The following CNTLN variants were observed in gnomAD, a reference collection of about 807,000 sequenced individuals.
CNTLN encodes the protein centlein.
A neutral mutation model predicts 180.0 loss-of-function variants in CNTLN; 212 were observed. The observed-to-expected ratio is 1.18, with a 90% CI of 1.05 to 1.32. The LOEUF is 1.32. CNTLN is among the 40% of genes most tolerant of loss of function. The probability of loss-of-function intolerance (pLI) is 0.00; values close to 1 mark genes in which losing one functional copy is unlikely to be tolerated. For synonymous variants in CNTLN, 722 were observed against 563.1 expected, an observed-to-expected ratio of 1.28 and a Z score of -3.99; for missense variants, 2,095 against 1,610.9, an observed-to-expected ratio of 1.30 and a Z score of -5.14.
At chr9:17,143,187 A>T in intron 1 of CNTLN, 101 bp from the exon 2 acceptor site, 2 of 759,514 alleles carry the variant, frequency 2.6e-6, no homozygotes, top group African/African-American at 1.8e-5. Context: ...TTATACAACT[A>T]GGGATCAAGT....
At chr9:17,504,167 A>C (rs1833887163), downstream of CNTLN, among the ~76,000 whole-genome samples, 1 of 152,140 alleles carries the variant, frequency 6.6e-6, no homozygotes, top group East Asian at 1.9e-4. Flanking sequence ...TGACCATCAA[A>C]TGTCACACAC....
intron 5 of CNTLN, among the ~76,000 whole-genome samples, chr9:17,239,097 G>C (rs1825331022): frequency 6.6e-6 from 1 of 152,162 alleles, no homozygotes; most frequent in African/African-American, 2.4e-5. Flanking sequence ...GAATACAGTG[G>C]TGTGATCTCA....
Position 17,293,772 on chromosome 9 carries a change from T to A in CNTLN, c.984-4418T>A, listed in dbSNP as rs145960452. On this transcript the variant is annotated intron_variant, in intron 6 of 25. Coordinates refer to ENST00000380647, the MANE Select transcript of CNTLN (RefSeq NM_017738.4). Reference sequence around the variant, plus strand: ...CCATTAGGAAGTTGGTAGTCGTAGGTAGTCACCAGCCCATTGGCTGCTGAG... The same window carrying A: ...CCATTAGGAAGTTGGTAGTCGTAGGAAGTCACCAGCCCATTGGCTGCTGAG... Among the ~76,000 whole-genome samples the A allele has an allele frequency of 1.5e-3, 229 of 152,186 alleles. 1 individual carries two copies. Among genetic ancestry groups the A allele is most frequent in the African/African-American group, 5.3e-3 (222 of 41,538 alleles).
At chr9:17,137,804 T>C (rs1054867558) in intron 1 of CNTLN, among the ~76,000 whole-genome samples, 1 of 152,318 alleles carries the variant, frequency 6.6e-6, no homozygotes, top group South Asian at 2.1e-4. Flanking sequence ...TTCTACATCA[T>C]TGGAATGCCT....
chr9:17,206,056 C>A (rs536345468), intron 2 of CNTLN, among the ~76,000 whole-genome samples: 1 of 152,168 alleles, frequency 6.6e-6, no homozygotes, highest in African/African-American at 2.4e-5. Context: ...ACTGGGTAGC[C>A]ACCACTGCAG....
chr9:17,507,653 C>T (rs1813590242), downstream of CNTLN, among the ~76,000 whole-genome samples: 1 of 152,052 alleles, frequency 6.6e-6, no homozygotes, highest in Admixed American at 6.6e-5. Context: ...ATAAAAATGA[C>T]TTTTTTGTTG....
chr9:17,455,897 A>T (rs1467360891), intron 18 of CNTLN, among the ~76,000 whole-genome samples: 1 of 146,896 alleles, frequency 6.8e-6, no homozygotes, highest in East Asian at 1.9e-4. Flanking sequence ...GAGCCTTATT[A>T]TCCACAAACA....
intron 15 of CNTLN, among the ~76,000 whole-genome samples, chr9:17,402,101 A>G (rs1827023320): frequency 6.6e-6 from 1 of 151,900 alleles, no homozygotes; most frequent in Non-Finnish European, 1.5e-5. Context: ...AAGCATGACA[A>G]GAACCACATA....
intron 7 of CNTLN, chr9:17,298,676 T>C (rs1474783490): frequency 2.0e-6 from 2 of 1,010,622 alleles, no homozygotes; most frequent in Admixed American, 1.2e-4. Context: ...TTCCTCGGCC[T>C]GCTATTACAA....
Position 17,466,211 on chromosome 9 carries a change from A to G in CNTLN, c.3669+93A>G, listed in dbSNP as rs1300207026. ...TTGTTGCTTTTTCCTTCCCAAAACCACAAGCTACTTAAACACTTCAGATAA... is the reference window on the plus strand; with the variant it reads ...TTGTTGCTTTTTCCTTCCCAAAACCGCAAGCTACTTAAACACTTCAGATAA... On this transcript the variant is annotated intron_variant, in intron 22 of 25. Transcript: ENST00000380647. 4 of 1,091,280 alleles carry G rather than the reference A, an allele frequency of 3.7e-6. No individual in the cohort carries two copies. In the East Asian group the frequency reaches 7.5e-5, roughly 20 times the overall value. 67.6% of individuals were successfully genotyped at this position (1,091,280 alleles called of 1,614,324 possible). A position where few individuals can be genotyped will look rare whatever the true frequency, so the allele number is the denominator to read the frequency against.
chr9:17,423,134 T>C (rs1381735578), intron 18 of CNTLN, among the ~76,000 whole-genome samples: 2 of 152,132 alleles, frequency 1.3e-5, no homozygotes, highest in East Asian at 3.9e-4. Flanking sequence ...GTCACTTCGA[T>C]GTCCACCACT....
intron 6 of CNTLN, among the ~76,000 whole-genome samples, chr9:17,274,453 ATATCTATCTATCTATCTATCTATC>A (rs71331478): frequency 7.2e-6 from 1 of 138,774 alleles, no homozygotes; most frequent in East Asian, 2.2e-4. Flanking sequence ...TCATAGATCA[ATATCTATCTATCTATCTATCTATC>A]TATCTATCTA....
chr9:17,382,854 C>T (rs1259340541), intron 13 of CNTLN, among the ~76,000 whole-genome samples: 5 of 152,040 alleles, frequency 3.3e-5, no homozygotes, highest in East Asian at 3.9e-4. Flanking sequence ...GAAAATTAGC[C>T]CCTGCCTACC....
intron 2 of CNTLN, among the ~76,000 whole-genome samples, chr9:17,223,073 C>T (rs561614062): frequency 1.3e-5 from 2 of 151,942 alleles, no homozygotes; most frequent in African/African-American, 4.8e-5. Context: ...ACGTTTTTTC[C>T]TACACGGTAA....
At chr9:17,462,631 C>T (rs1285034242) in intron 19 of CNTLN, among the ~76,000 whole-genome samples, 1 of 151,528 alleles carries the variant, frequency 6.6e-6, no homozygotes, top group Non-Finnish European at 1.5e-5. Flanking sequence ...TTACATTATA[C>T]CAGGACAACT....
At chr9:17,420,103 T>C (rs1239214972) in intron 18 of CNTLN, among the ~76,000 whole-genome samples, 1 of 152,056 alleles carries the variant, frequency 6.6e-6, no homozygotes, top group Non-Finnish European at 1.5e-5. Context: ...TCGGTGGAGT[T>C]GGGGTTTCAC....
At position 17,135,120 on chromosome 9, in the gene CNTLN, G is replaced by C. The variant is rs1287078270; in HGVS notation, c.55G>C (p.Gly19Arg). The change falls in exon 1 of 26, where the codon GGC (glycine) becomes CGC (arginine). Residue 19 changes from glycine (G) to arginine (R), a missense_variant. Coordinates refer to ENST00000380647, the MANE Select transcript of CNTLN (RefSeq NM_017738.4). The part of the protein sequence containing the change: ...PHPSPPARQL[G>R]PRSPRVGRGA... ...CCCTTCGCCCCCAGCGCGACAGCTG[G>C]GCCCCAGGTCCCCACGTGTTGGGCG... is the stretch of plus-strand genomic sequence containing the variant. 2 of 1,606,812 alleles carry C rather than the reference G, an allele frequency of 1.2e-6. No individual in the cohort carries two copies. Among genetic ancestry groups the C allele is most frequent in the East Asian group, 2.2e-5 (1 of 44,660 alleles).
intron 5 of CNTLN, among the ~76,000 whole-genome samples, chr9:17,244,685 G>C (rs748334663): frequency 6.6e-6 from 1 of 151,926 alleles, no homozygotes; most frequent in Admixed American, 6.6e-5. Flanking sequence ...TTTATTATTT[G>C]CTTCCTGGTT....
At chr9:17,225,921 T>C (rs1824436516) in intron 2 of CNTLN, among the ~76,000 whole-genome samples, 1 of 152,022 alleles carries the variant, frequency 6.6e-6, no homozygotes, top group Non-Finnish European at 1.5e-5. Context: ...GTTTACTTAA[T>C]TGTAATTATT....
Sources: allele counts gnomAD v4.1 joint callset (sites outside exome capture counted in the v4.1 genomes callset), GRCh38; gene constraint gnomAD v4.1.1; transcripts MANE v1.5; gene names NCBI Gene and HGNC (gene_info 2026-07-23, HGNC 2026-07-21).